Variants in CPNE5 observed in about 807,000 individuals in gnomAD.
The protein encoded by CPNE5 is copine-5.
CPNE5 carries 42 observed loss-of-function variants against 81.1 expected under a neutral mutation model. The observed-to-expected ratio is 0.52, with a 90% confidence interval of 0.40 to 0.67. CPNE5 has a LOEUF of 0.67. CPNE5 is among the 30% of genes least tolerant of loss of function. CPNE5 has a pLI of 0.00. For synonymous variants in CPNE5, 313 were observed against 321.5 expected, an observed-to-expected ratio of 0.97 and a Z score of 0.28; for missense variants, 612 against 815.5, an observed-to-expected ratio of 0.75 and a Z score of 3.04.
At position 36,742,285 on chromosome 6, in the gene CPNE5, G is replaced by A. The variant is rs1161673326; in HGVS notation, c.1765C>T (p.Leu589=). The A allele has an allele frequency of 2.5e-6, 4 of 1,593,328 alleles. No homozygotes were observed. Among genetic ancestry groups the A allele is most frequent in the Non-Finnish European group, 1.7e-6 (2 of 1,171,702 alleles). ...SPARTPPASP[L]HTHI ...GACCAGGTTCAGATGTGCGTGTGCA[G>A]GGGGGACGCAGGGGGCGTGCGGGCT... is the stretch of plus-strand genomic sequence containing the variant. Residue 589 remains leucine (L), a synonymous_variant, in exon 21 of 21, where the codon CTG becomes TTG. Coordinates refer to ENST00000244751, the MANE Select transcript of CPNE5 (RefSeq NM_020939.2).
rs1314259795 is a variant in CPNE5, at chr6:36,800,073, G to T, written c.184-3C>A. 6.2e-7 allele frequency: 1 copy of T among 1,609,238 alleles called. No individual in the cohort carries two copies. Among genetic ancestry groups the T allele is most frequent in the South Asian group, 1.1e-5 (1 of 90,364 alleles). On this transcript the variant is annotated splice_polypyrimidine_tract_variant and splice_region_variant and intron_variant, in intron 3 of 20. Coordinates refer to ENST00000244751, the MANE Select transcript of CPNE5 (RefSeq NM_020939.2). ...TCGATGACTTCGGTGCGCCCAAACTGCAAGAGAAGATGGAGGGTGAACCTC... is the reference window on the plus strand; with the variant it reads ...TCGATGACTTCGGTGCGCCCAAACTTCAAGAGAAGATGGAGGGTGAACCTC...
At chr6:36,782,781 C>T (rs1399813721) in intron 8 of CPNE5, among the ~76,000 whole-genome samples, 4 of 145,060 alleles carry the variant, frequency 2.8e-5, no homozygotes, top group Non-Finnish European at 4.5e-5. Context: ...GCAACAAGAG[C>T]GAGACTCTGT....
At chr6:36,787,818 C>A (rs750102351) in intron 8 of CPNE5, among the ~76,000 whole-genome samples, 1 of 152,132 alleles carries the variant, frequency 6.6e-6, no homozygotes, top group African/African-American at 2.4e-5. Context: ...ACTGCCTCCT[C>A]CATGACCACC....
chr6:36,820,335 C>CTTTTTTT (rs1163633243), intron 3 of CPNE5, among the ~76,000 whole-genome samples: 42 of 92,404 alleles, frequency 4.5e-4, no homozygotes, highest in South Asian at 1.2e-3. Context: ...CTAATCCATT[C>CTTTTTTT]TTTTTTTTTT....
At position 36,820,374 on chromosome 6, in the gene CPNE5, C is replaced by A. The variant is rs555441374; in HGVS notation, c.183+1740G>T. 1.6e-4 allele frequency among the ~76,000 whole-genome samples: 22 copies of A among 136,006 alleles called. No homozygotes were observed. The East Asian group carries it at 4.7e-3, about 29-fold the overall frequency. 89.2% of individuals were successfully genotyped at this position (136,006 alleles called of 152,430 possible). A position where few individuals can be genotyped will look rare whatever the true frequency, so the allele number is the denominator to read the frequency against. ...TTTTTTTTTTTGAGATGGAGTCTCG[C>A]TCTGTCGCCCAGGCTGGAGTGCAGT... On this transcript the variant is annotated intron_variant, in intron 3 of 20. Coordinates refer to ENST00000244751, the MANE Select transcript of CPNE5 (RefSeq NM_020939.2).
At chr6:36,758,789 G>A (rs1195607677) in intron 12 of CPNE5, among the ~76,000 whole-genome samples, 1 of 152,192 alleles carries the variant, frequency 6.6e-6, no homozygotes, top group Non-Finnish European at 1.5e-5. Context: ...CAGGTGGGAA[G>A]TTCACGTGGG....
In CPNE5 at chr6:36,839,271, C is replaced by T. The variant is rs1188733310; in HGVS notation, c.95+12G>A. 1.3e-6 allele frequency: 2 copies of T among 1,523,778 alleles called. No individual in the cohort carries two copies. The highest frequency in any genetic ancestry group is 1.2e-5 in the South Asian group (1 of 81,388). The allele number at this position is 1,523,778 out of a possible 1,614,324, so 94.4% of individuals were successfully genotyped here. On this transcript the variant is annotated intron_variant, in intron 1 of 20. Coordinates refer to ENST00000244751, the MANE Select transcript of CPNE5 (RefSeq NM_020939.2). The surrounding 1 kb of genome is among the most constrained non-coding windows in gnomAD (Gnocchi z 7.3). Reference sequence around the variant, plus strand: ...GGCCGGGGCAAGGGGACCCGGCCAGCGGGAGGCTCACCTGCAGGACACGGT... The same window carrying T: ...GGCCGGGGCAAGGGGACCCGGCCAGTGGGAGGCTCACCTGCAGGACACGGT...
At chr6:36,818,546 G>A (rs575222707) in intron 3 of CPNE5, among the ~76,000 whole-genome samples, 1 of 152,268 alleles carries the variant, frequency 6.6e-6, no homozygotes, top group South Asian at 2.1e-4. Context: ...TATTTACTAA[G>A]CACTGACCAT....
At chr6:36,795,919 C>T (rs1769526421) in intron 6 of CPNE5, among the ~76,000 whole-genome samples, 1 of 152,058 alleles carries the variant, frequency 6.6e-6, no homozygotes, top group Non-Finnish European at 1.5e-5. Flanking sequence ...CCTCCTCCTC[C>T]AACATTGCCG....
At position 36,740,982 on chromosome 6, in the gene CPNE5, T is replaced by C. The variant is rs1763556137; in HGVS notation, c.*1286A>G. On this transcript the variant is annotated 3_prime_UTR_variant, in exon 21 of 21. Coordinates refer to ENST00000244751, the MANE Select transcript of CPNE5 (RefSeq NM_020939.2). Reference sequence around the variant, plus strand: ...CTCCATGCGGCAACAGGGATTGGCATGCATGATCTGCTCCCCGAGTGGGCA... The same window carrying C: ...CTCCATGCGGCAACAGGGATTGGCACGCATGATCTGCTCCCCGAGTGGGCA... The C allele has an allele frequency of 6.6e-6, 1 of 152,372 alleles. No homozygotes were observed. Among genetic ancestry groups the C allele is most frequent in the Non-Finnish European group, 1.5e-5 (1 of 68,092 alleles). 9.4% of individuals were successfully genotyped at this position (152,372 alleles called of 1,614,324 possible). A position where few individuals can be genotyped will look rare whatever the true frequency, so the allele number is the denominator to read the frequency against.
intron 13 of CPNE5, chr6:36,755,321 A>C (rs900024789): frequency 6.6e-6 from 1 of 152,224 alleles, no homozygotes; most frequent in Non-Finnish European, 1.5e-5. Flanking sequence ...GTGTGTTTGC[A>C]CTGCAGAGAA....
In CPNE5 at chr6:36,762,979, C is replaced by G; in HGVS notation, c.793G>C (p.Gly265Arg). 1 of 1,614,156 alleles carries G rather than the reference C, an allele frequency of 6.2e-7. No homozygotes were observed. Among genetic ancestry groups the G allele is most frequent in the African/African-American group, 1.3e-5 (1 of 75,038 alleles). Reference sequence around the variant, plus strand: ...TCCCGGTAACTGGTGGTGAACTCCCCAATGAAGTCATGGCTGCAAGGGAAG... The same window carrying G: ...TCCCGGTAACTGGTGGTGAACTCCCGAATGAAGTCATGGCTGCAAGGGAAG... The part of the protein sequence containing the change: ...WDRDGSHDFI[G>R]EFTTSYRELA... Residue 265 changes from glycine (G) to arginine (R), a missense_variant, in exon 12 of 21, where the codon GGG becomes CGG. Physicochemically the swap from Gly to Arg is moderately radical, Grantham distance 125. Transcript: ENST00000244751.
In CPNE5 at chr6:36,792,084, T is replaced by G. The variant is rs777955389; in HGVS notation, c.477A>C (p.Gly159=). ...ACAGGATGATGGTGCCACATTTCTT[T>G]CCTGGGACACCACTGGGAGAGGAGA... is the stretch of plus-strand genomic sequence containing the variant. ...MPAVSNGGVP[G]KKCGTIILSA... The change falls in exon 8 of 21, where the codon GGA becomes GGC. Residue 159 remains glycine, a synonymous_variant. Transcript: ENST00000244751. The G allele has an allele frequency of 6.2e-7, 1 of 1,613,726 alleles. No homozygotes were observed. The highest frequency in any genetic ancestry group is 8.5e-7 in the Non-Finnish European group (1 of 1,179,852).
At chr6:36,787,448 G>A (rs771211357) in intron 8 of CPNE5, among the ~76,000 whole-genome samples, 1 of 151,950 alleles carries the variant, frequency 6.6e-6, no homozygotes, top group Non-Finnish European at 1.5e-5. Context: ...CAGGTAACTG[G>A]AAGGGTTCAT....
At chr6:36,792,510 C>G in intron 7 of CPNE5, 1 of 713,660 alleles carries the variant, frequency 1.4e-6, no homozygotes, top group Non-Finnish European at 2.2e-6. Context: ...CCCAGCGTCC[C>G]GGGACAGTCC....
rs1169258002 is a variant in CPNE5 at position 36,834,323 on chromosome 6, A to G, written c.95+4960T>C. 4.8e-5 allele frequency among the ~76,000 whole-genome samples: 6 copies of G among 125,148 alleles called. No individual in the cohort carries two copies. In the East Asian group the frequency reaches 1.5e-3, roughly 31 times the overall value. 82.1% of individuals were successfully genotyped at this position (125,148 alleles called of 152,430 possible). ...AGGGAGGGAGGGAGGAAGGAAGGAA[A>G]GAAAAAAAAAACAAGTTGTGTTATT... On this transcript the variant is annotated intron_variant, in intron 1 of 20. Transcript: ENST00000244751.
intron 20 of CPNE5, chr6:36,742,719 C>T (rs1412838027): frequency 3.0e-6 from 3 of 985,286 alleles, no homozygotes; most frequent in African/African-American, 1.7e-5. Context: ...AAACTGAGCC[C>T]TATTCCACAC....
intron 3 of CPNE5, among the ~76,000 whole-genome samples, chr6:36,802,756 A>G (rs1770237489): frequency 6.6e-6 from 1 of 151,992 alleles, no homozygotes; most frequent in South Asian, 2.1e-4. Context: ...TTAAGTTAGA[A>G]ACTTCCAAAG....
At chr6:36,759,425 G>T (rs942230519) in intron 12 of CPNE5, among the ~76,000 whole-genome samples, 2 of 151,306 alleles carry the variant, frequency 1.3e-5, no homozygotes, top group African/African-American at 4.9e-5. Flanking sequence ...GACAGGACAG[G>T]TCTGGAATCT....
Sources: gnomAD v4.1 joint callset for allele counts (sites outside exome capture counted in the v4.1 genomes callset) on GRCh38, gnomAD v4.1.1 for gene constraint, Gnocchi (gnomAD v3.1) non-coding constraint, MANE v1.5 for transcripts, NCBI Gene and HGNC (gene_info 2026-07-23, HGNC 2026-07-21) for gene names.